Variants in GRIA3 observed in about 807,000 individuals in gnomAD.
GRIA3 encodes glutamate ionotropic receptor AMPA type subunit 3, also known as glutamate receptor 3.
GRIA3 carries 3 observed loss-of-function variants against 63.0 expected under a neutral mutation model. The observed-to-expected ratio is 0.05, with a 90% confidence interval of 0.02 to 0.12. GRIA3 has a LOEUF of 0.12. Ranked by LOEUF, GRIA3 falls within the 10% of genes least tolerant of loss-of-function variation. The pLI, the probability that GRIA3 is intolerant of heterozygous loss-of-function variation, is 1.00. For missense variants in GRIA3, 347 were observed against 700.9 expected (o/e 0.50, Z 5.70); for synonymous variants, 274 against 257.9 (o/e 1.06, Z -0.60).
intron 2 of GRIA3, among the ~76,000 whole-genome samples, chrX:123,232,107 C>A (rs1158096396): frequency 3.6e-5 from 4 of 111,704 alleles, no homozygotes; most frequent in Non-Finnish European, 7.5e-5. Context: ...TAAGTCCTCA[C>A]TTTCAAGTAG....
chrX:123,280,543 G>A (rs1280265639), intron 3 of GRIA3, among the ~76,000 whole-genome samples: 1 of 112,108 alleles, frequency 8.9e-6, no homozygotes, highest in African/African-American at 3.2e-5. Context: ...CTACAAGAAT[G>A]TTGAAACAAC....
chrX:123,423,025 T>C (rs2045571030), intron 11 of GRIA3, among the ~76,000 whole-genome samples: 1 of 112,361 alleles, frequency 8.9e-6, no homozygotes, highest in Non-Finnish European at 1.9e-5. Context: ...AAAACTTGGA[T>C]AGAACCACTA....
At chrX:123,237,830 A>G (rs1225779502) in intron 2 of GRIA3, among the ~76,000 whole-genome samples, 3 of 111,248 alleles carry the variant, frequency 2.7e-5, no homozygotes, top group Admixed American at 1.9e-4. Flanking sequence ...AGCTATTTTT[A>G]GTCAGATTCC....
intron 12 of GRIA3, among the ~76,000 whole-genome samples, chrX:123,448,378 C>T (rs189025883): frequency 9.0e-6 from 1 of 111,675 alleles, no homozygotes; most frequent in Non-Finnish European, 1.9e-5. Flanking sequence ...AACCTACCCC[C>T]CTGTCTCTCA....
At chrX:123,320,790 GT>G (rs1203931319) in intron 3 of GRIA3, among the ~76,000 whole-genome samples, 8 of 111,754 alleles carry the variant, frequency 7.2e-5, no homozygotes, top group Admixed American at 4.7e-4. Flanking sequence ...CCCTCAGAAA[GT>G]GCCTTCTTGA....
intron 5 of GRIA3, among the ~76,000 whole-genome samples, chrX:123,393,910 T>A (rs1479857513): frequency 1.8e-5 from 2 of 111,907 alleles, no homozygotes; most frequent in African/African-American, 3.2e-5. Context: ...TAGCAGCAAT[T>A]CCTAGGCTGC....
intron 12 of GRIA3, among the ~76,000 whole-genome samples, chrX:123,459,916 T>C (rs957277913): frequency 2.7e-5 from 3 of 111,757 alleles, no homozygotes; most frequent in African/African-American, 9.7e-5. Flanking sequence ...GTTGGAAAGA[T>C]AAACGTTTCA....
intron 2 of GRIA3, among the ~76,000 whole-genome samples, chrX:123,190,914 T>C (rs1927415282): frequency 8.9e-6 from 1 of 112,225 alleles, no homozygotes; most frequent in Non-Finnish European, 1.9e-5. Context: ...GCTGGTTTCA[T>C]TTTAACAGAT....
chrX:123,399,840 G>T (rs958064215), intron 7 of GRIA3, among the ~76,000 whole-genome samples: 1 of 111,641 alleles, frequency 9.0e-6, no homozygotes, highest in African/African-American at 3.3e-5. Context: ...ATCAAAAGGG[G>T]TTAGTAGCCC....
chrX:123,304,045 C>T (rs2044739933), intron 3 of GRIA3, among the ~76,000 whole-genome samples: 1 of 85,500 alleles, frequency 1.2e-5, no homozygotes, highest in African/African-American at 4.2e-5. Flanking sequence ...TCCATTTTAA[C>T]TTCTACAGTC....
intron 2 of GRIA3, among the ~76,000 whole-genome samples, chrX:123,227,985 G>T (rs1714040196): frequency 8.9e-6 from 1 of 112,166 alleles, no homozygotes; most frequent in African/African-American, 3.2e-5. Flanking sequence ...TCCGTGTTAA[G>T]CCTTCGCTTC....
rs766307323 is a variant in GRIA3, at chrX:123,299,436, T to C, written c.509-26590T>C. The stretch of plus-strand genomic sequence containing the variant: ...TGGTTTGTAGTTCTCCTTGTAGAGA[T>C]CTTTTGGCTCCCTAGTTAGCTGTAT... On this transcript the variant is annotated intron_variant, in intron 3 of 15. Coordinates refer to ENST00000620443, the MANE Select transcript of GRIA3 (RefSeq NM_007325.5). 1.4e-4 allele frequency among the ~76,000 whole-genome samples: 16 copies of C among 111,041 alleles called. No homozygotes were observed. In the South Asian group the frequency reaches 6.2e-3, roughly 43 times the overall value.
intron 10 of GRIA3, among the ~76,000 whole-genome samples, chrX:123,414,756 CT>C (rs2045527140): frequency 9.0e-6 from 1 of 110,578 alleles, no homozygotes; most frequent in African/African-American, 3.3e-5. Context: ...TGAACTCATC[CT>C]TTTTTATGGA....
At chrX:123,438,528 C>T (rs908396015) in intron 12 of GRIA3, among the ~76,000 whole-genome samples, 2 of 109,443 alleles carry the variant, frequency 1.8e-5, no homozygotes, top group Non-Finnish European at 3.8e-5. Context: ...TCTGCTATAA[C>T]TTTTTTTTTT....
At chrX:123,284,535 C>T (rs2883335) in intron 3 of GRIA3, among the ~76,000 whole-genome samples, 39,014 of 108,899 alleles carry the variant, frequency 0.36, 6,076 homozygotes, top group African/African-American at 0.6. Context: ...ACCAGAATAA[C>T]CAGTTTAGAG....
rs753214982 is a variant in GRIA3, at chrX:123,326,164, G to A, written c.647G>A (p.Arg216Gln). ...IEEMDRRQEKRYLIDCEVERI... is the reference protein window; with the variant it reads ...IEEMDRRQEKQYLIDCEVERI... ...GAAATGGACAGGAGGCAGGAAAAGC[G>A]ATACTTGATTGACTGCGAAGTCGAA... is the stretch of plus-strand genomic sequence containing the variant. The change falls in exon 4 of 16, where the codon CGA becomes CAA. Residue 216 changes from arginine (R) to glutamine (Q), a missense_variant. Physicochemically the swap from Arg to Gln is conservative, Grantham distance 43. Around this residue, in one of 8 missense-constraint regions of GRIA3, gnomAD observed 113 missense variants for 130.6 expected, o/e 0.87. Transcript: ENST00000620443. 4.9e-5 allele frequency: 59 copies of A among 1,208,549 alleles called. No homozygotes were observed. Among genetic ancestry groups the A allele is most frequent in the Non-Finnish European group, 6.0e-5 (54 of 894,184 alleles).
At chrX:123,404,369 T>C (rs1394006792) in intron 9 of GRIA3, among the ~76,000 whole-genome samples, 2 of 110,675 alleles carry the variant, frequency 1.8e-5, no homozygotes, top group Non-Finnish European at 3.8e-5. Flanking sequence ...TCTTGAGAAA[T>C]GAAAGGCACT....
At chrX:123,191,917 A>G (rs1194863142) in intron 2 of GRIA3, among the ~76,000 whole-genome samples, 1 of 111,203 alleles carries the variant, frequency 9.0e-6, no homozygotes, top group Admixed American at 9.6e-5. Context: ...AAAACTAGGG[A>G]CTATGGGAAA....
At chrX:123,262,954 A>C (rs1324987249) in intron 3 of GRIA3, among the ~76,000 whole-genome samples, 1 of 111,604 alleles carries the variant, frequency 9.0e-6, no homozygotes, top group Non-Finnish European at 1.9e-5. Flanking sequence ...CAAGAAATAC[A>C]ATTAAAAGAA....
Sources: gnomAD v4.1 joint callset for allele counts (sites outside exome capture counted in the v4.1 genomes callset) on GRCh38, gnomAD v4.1.1 for gene constraint, gnomAD v4.1.1 regional missense constraint, MANE v1.5 for transcripts, NCBI Gene and HGNC (gene_info 2026-07-23, HGNC 2026-07-21) for gene names.